Variants in TENM3 observed in about 807,000 individuals in gnomAD.
TENM3 encodes teneurin transmembrane protein 3.
In TENM3, 63 loss-of-function variants were observed where a neutral mutation model predicts 255.1. That is an observed-to-expected ratio of 0.25 (90% confidence interval 0.20 to 0.30). TENM3 has a LOEUF of 0.30. Among genes scored for constraint, TENM3 ranks in the 10% least tolerant of loss-of-function variants. The pLI, the probability that TENM3 is intolerant of heterozygous loss-of-function variation, is 1.00. For missense variants in TENM3, 2,929 were observed against 3,461.1 expected, an observed-to-expected ratio of 0.85 and a Z score of 3.86; for synonymous variants, 1,306 against 1,322.3, an observed-to-expected ratio of 0.99 and a Z score of 0.27.
chr4:181,478,140 A>G, the TENM3 span, among the ~76,000 whole-genome samples: 1 of 152,222 alleles, frequency 6.6e-6, no homozygotes, highest in Non-Finnish European at 1.5e-5. Flanking sequence ...TTGGGAGACT[A>G]CTTGTACTTT....
At chr4:181,942,743 C>T in the TENM3 span, among the ~76,000 whole-genome samples, 1 of 152,066 alleles carries the variant, frequency 6.6e-6, no homozygotes, top group Non-Finnish European at 1.5e-5. Context: ...ATTTAGATTG[C>T]TTTGTTTCAT....
chr4:181,922,281 A>G, the TENM3 span, among the ~76,000 whole-genome samples: 19 of 152,096 alleles, frequency 1.2e-4, no homozygotes, highest in South Asian at 3.5e-3. Context: ...CTCTTTTTCT[A>G]TTGATTGGAA....
chr4:182,059,510 C>T, the TENM3 span, among the ~76,000 whole-genome samples: 1 of 151,780 alleles, frequency 6.6e-6, no homozygotes, highest in African/African-American at 2.4e-5. Context: ...TTTTGGTGCT[C>T]TACTGGAAGG....
intron 1 of TENM3, among the ~76,000 whole-genome samples, chr4:182,318,727 A>G (rs1268064974): frequency 6.6e-6 from 1 of 152,110 alleles, no homozygotes; most frequent in Admixed American, 6.5e-5. Flanking sequence ...TCAGCTTGAT[A>G]TTGTTGTGTG....
At chr4:182,441,910 C>T (rs888113993) in intron 3 of TENM3, among the ~76,000 whole-genome samples, 8 of 152,118 alleles carry the variant, frequency 5.3e-5, no homozygotes, top group African/African-American at 1.9e-4. Context: ...TCCCTATGCT[C>T]GTATGTTCGT....
chr4:182,040,933 A>T, the TENM3 span, among the ~76,000 whole-genome samples: 1 of 152,122 alleles, frequency 6.6e-6, no homozygotes, highest in East Asian at 1.9e-4. Flanking sequence ...ACTACTCCAA[A>T]AGGCTGAATT....
chr4:181,501,568 C>T, the TENM3 span, among the ~76,000 whole-genome samples: 5 of 151,724 alleles, frequency 3.3e-5, no homozygotes, highest in African/African-American at 7.3e-5. Context: ...TTAGTAGAGG[C>T]GGGGTTTCAC....
the TENM3 span, among the ~76,000 whole-genome samples, chr4:181,520,989 G>C: frequency 6.6e-6 from 1 of 152,160 alleles, no homozygotes; most frequent in Non-Finnish European, 1.5e-5. Context: ...ATCCCAGAGG[G>C]CATGCCACAT....
At chr4:181,903,443 T>A in the TENM3 span, among the ~76,000 whole-genome samples, 1 of 152,114 alleles carries the variant, frequency 6.6e-6, no homozygotes. Flanking sequence ...ACTGTTCCTG[T>A]CCCCTCCTTT....
intron 5 of TENM3, among the ~76,000 whole-genome samples, chr4:182,651,760 G>A (rs1483364860): frequency 6.6e-6 from 1 of 152,060 alleles, no homozygotes; most frequent in Non-Finnish European, 1.5e-5. Flanking sequence ...TTAGCAGGGA[G>A]TGTGACTATA....
At chr4:182,565,989 AT>A (rs1425013959) in intron 3 of TENM3, among the ~76,000 whole-genome samples, 2 of 152,200 alleles carry the variant, frequency 1.3e-5, no homozygotes, top group African/African-American at 4.8e-5. Context: ...CTTTGTCACC[AT>A]TGTTATTGAA....
the TENM3 span, among the ~76,000 whole-genome samples, chr4:182,077,232 C>A: frequency 1.3e-5 from 2 of 152,206 alleles, no homozygotes; most frequent in East Asian, 3.9e-4. Flanking sequence ...TCTTGTACTG[C>A]CACCGACTTG....
At chr4:182,432,865 T>TGTGTGTGTGTGTGTGTGTGTG (rs1554066043) in intron 3 of TENM3, among the ~76,000 whole-genome samples, 29 of 151,464 alleles carry the variant, frequency 1.9e-4, no homozygotes, top group Middle Eastern at 3.4e-3. Flanking sequence ...TGTGTGTGTG[T>TGTGTGTGTGTGTGTGTGTGTG]TTTAGTAGAG....
intron 3 of TENM3, among the ~76,000 whole-genome samples, chr4:182,541,539 A>G (rs1740879477): frequency 6.6e-6 from 1 of 152,164 alleles, no homozygotes; most frequent in South Asian, 2.1e-4. Context: ...CTTCTATTGA[A>G]TCCATGCTAT....
the TENM3 span, among the ~76,000 whole-genome samples, chr4:181,606,847 A>C: frequency 6.6e-6 from 1 of 152,022 alleles, no homozygotes; most frequent in Non-Finnish European, 1.5e-5. Flanking sequence ...TTAATCTCTT[A>C]CTGTGGCTAG....
chr4:181,545,427 G>T, the TENM3 span, among the ~76,000 whole-genome samples: 1 of 152,012 alleles, frequency 6.6e-6, no homozygotes, highest in East Asian at 1.9e-4. Flanking sequence ...AAGAAGTAAC[G>T]GAAAGAAAAA....
chr4:182,526,138 C>A (rs950083970), intron 3 of TENM3, among the ~76,000 whole-genome samples: 1 of 152,172 alleles, frequency 6.6e-6, no homozygotes, highest in African/African-American at 2.4e-5. Flanking sequence ...TGCCACCACG[C>A]CCGGCTGATT....
At chr4:181,646,126 G>A in the TENM3 span, among the ~76,000 whole-genome samples, 6 of 152,264 alleles carry the variant, frequency 3.9e-5, no homozygotes, top group Admixed American at 3.9e-4. Flanking sequence ...TAAAATTTGG[G>A]GTGCTAGGTA....
the TENM3 span, among the ~76,000 whole-genome samples, chr4:181,801,509 C>T: frequency 1.1e-4 from 16 of 151,958 alleles, no homozygotes; most frequent in African/African-American, 3.6e-4. Context: ...TAGAGGAGAT[C>T]AAAAGAGATG....
Sources: allele counts gnomAD v4.1 joint callset (sites outside exome capture counted in the v4.1 genomes callset), GRCh38; gene constraint gnomAD v4.1.1; transcripts MANE v1.5; gene names NCBI Gene and HGNC (gene_info 2026-07-23, HGNC 2026-07-21).